The following IL1RL2 variants were observed in gnomAD, a reference collection of about 807,000 sequenced individuals.
IL1RL2 encodes interleukin-1 receptor-like 2.
In IL1RL2, 68 loss-of-function variants were observed where a neutral mutation model predicts 66.8. The observed-to-expected ratio is 1.02, with a 90% CI of 0.84 to 1.25. The LOEUF is 1.25. Among genes scored for constraint, IL1RL2 ranks in the 50% most tolerant of loss-of-function variants. The pLI is 0.00. For synonymous variants in IL1RL2, 305 were observed against 264.6 expected, an observed-to-expected ratio of 1.15 and a Z score of -1.48; for missense variants, 729 against 709.3, an observed-to-expected ratio of 1.03 and a Z score of -0.32.
chr2:102,190,584 C>T (rs1687143540), intron 3 of IL1RL2, among the ~76,000 whole-genome samples: 1 of 152,222 alleles, frequency 6.6e-6, no homozygotes, highest in Non-Finnish European at 1.5e-5. Flanking sequence ...ACCAGACAGA[C>T]TAAATGCACA....
In IL1RL2 at chr2:102,209,727, G is replaced by A. The variant is rs144995353; in HGVS notation, c.650-2373G>A. 3.8e-3 allele frequency among the ~76,000 whole-genome samples: 580 copies of A among 152,266 alleles called. 5 individuals are homozygous for A. Among genetic ancestry groups the A allele is most frequent in the African/African-American group, 0.013 (550 of 41,552 alleles). ...GCTGCATTTGTGATGGGAGACATCA[G>A]TATTGAGATGATTTGAAGCCAGAGT... On this transcript the variant is annotated intron_variant, in intron 5 of 11. Coordinates refer to ENST00000264257, the MANE Select transcript of IL1RL2 (RefSeq NM_003854.4).
intron 4 of IL1RL2, among the ~76,000 whole-genome samples, chr2:102,197,203 G>A (rs1448758197): frequency 6.6e-6 from 1 of 152,154 alleles, no homozygotes; most frequent in Non-Finnish European, 1.5e-5. Context: ...CCCTGTTTAT[G>A]TGATTATCTC....
intron 4 of IL1RL2, among the ~76,000 whole-genome samples, chr2:102,192,524 C>T (rs1687323076): frequency 1.3e-5 from 2 of 152,348 alleles, no homozygotes; most frequent in South Asian, 4.1e-4. Flanking sequence ...ACACCTTCCT[C>T]AACTGTGGCT....
intron 9 of IL1RL2, among the ~76,000 whole-genome samples, chr2:102,231,876 G>A (rs141143775): frequency 6.6e-6 from 1 of 152,190 alleles, no homozygotes; most frequent in South Asian, 2.1e-4. Context: ...TGTAGTGATG[G>A]AATTCACTGG....
intron 8 of IL1RL2, among the ~76,000 whole-genome samples, chr2:102,223,150 A>C (rs1342694446): frequency 6.6e-6 from 1 of 152,114 alleles, no homozygotes; most frequent in Non-Finnish European, 1.5e-5. Context: ...TGCTCATTTT[A>C]TCTCAAATGT....
At position 102,187,191 on chromosome 2, in the gene IL1RL2, C is replaced by T; in HGVS notation, c.-13+105C>T. Reference sequence around the variant, plus strand: ...TGGCAACAATGTGTGCCACCGCAGGCCAGGGATCAGGCCCCCCAGGCCGGC... The same window carrying T: ...TGGCAACAATGTGTGCCACCGCAGGTCAGGGATCAGGCCCCCCAGGCCGGC... On this transcript the variant is annotated intron_variant, in intron 1 of 11. Transcript: ENST00000264257. 3 of 1,235,386 alleles carry T rather than the reference C, an allele frequency of 2.4e-6. No individual in the cohort carries two copies. In the South Asian group the frequency reaches 3.9e-5, roughly 16 times the overall value. The allele number at this position is 1,235,386 out of a possible 1,614,324, so 76.5% of individuals were successfully genotyped here. A position where few individuals can be genotyped will look rare whatever the true frequency, so the allele number is the denominator to read the frequency against.
In IL1RL2 at chr2:102,239,195, C is replaced by G; in HGVS notation, c.1682C>G (p.Pro561Arg). 6.2e-7 allele frequency: 1 copy of G among 1,613,932 alleles called. No homozygotes were observed. Among genetic ancestry groups the G allele is most frequent in the Non-Finnish European group, 8.5e-7 (1 of 1,179,844 alleles). Residue 561 changes from proline (P) to arginine (R), a missense_variant, in exon 12 of 12, where the codon CCA becomes CGA. Pro to Arg is a moderately radical substitution (Grantham distance 103). Coordinates refer to ENST00000264257, the MANE Select transcript of IL1RL2 (RefSeq NM_003854.4). ...AATAGATCTTTCCTGATTTCAGGCC[C>G]AGAACTAGGCTCAAGAAGAAAGAAG... ...QHTPCYRTAG[P>R]ELGSRRKKCT...
chr2:102,196,903 T>C (rs980037619), intron 4 of IL1RL2, among the ~76,000 whole-genome samples: 48 of 152,204 alleles, frequency 3.2e-4, no homozygotes, highest in African/African-American at 1.2e-3. Context: ...GAGAATGGCA[T>C]GAGCAAATTC....
chr2:102,219,186 A>G (rs2104831184), intron 7 of IL1RL2, 104 bp downstream of exon 7: 4 of 1,275,354 alleles, frequency 3.1e-6, no homozygotes, highest in Non-Finnish European at 4.5e-6. Flanking sequence ...TTGCCTCTCA[A>G]TGATTCATGT....
At chr2:102,207,552 G>A (rs1371274118) in intron 5 of IL1RL2, among the ~76,000 whole-genome samples, 1 of 152,144 alleles carries the variant, frequency 6.6e-6, no homozygotes, top group East Asian at 1.9e-4. Flanking sequence ...GCCTGGAACA[G>A]GGGCTTCATG....
At position 102,239,222 on chromosome 2, in the gene IL1RL2, G is replaced by A. The variant is rs754902709; in HGVS notation, c.1709G>A (p.Cys570Tyr). 2 of 1,613,966 alleles carry A rather than the reference G, an allele frequency of 1.2e-6. No individual in the cohort carries two copies. The highest frequency in any genetic ancestry group is 2.7e-5 in the African/African-American group (2 of 74,928). Reference protein sequence around the residue: ...GPELGSRRKKCTLTTG With the variant: ...GPELGSRRKKYTLTTG ...GAACTAGGCTCAAGAAGAAAGAAGT[G>A]TACTCTCACGACTGGCTAAGACTTG... The change falls in exon 12 of 12, where the codon TGT (cysteine) becomes TAT (tyrosine). Residue 570 changes from cysteine to tyrosine, a missense_variant. Physicochemically the swap from Cys to Tyr is radical, Grantham distance 194 (BLOSUM62 -2). Coordinates refer to ENST00000264257, the MANE Select transcript of IL1RL2 (RefSeq NM_003854.4).
chr2:102,187,926 G>A lies in IL1RL2; in HGVS notation c.58+1G>A. On this transcript the variant is annotated splice_donor_variant, in intron 2 of 11. Transcript: ENST00000264257. LOFTEE classifies it high-confidence loss of function. ...GCCCTTCCACTGTCTGTCACAGCAG[G>A]TACGTTCCGTGTGTCCTCCGTTCCC... 6.2e-7 allele frequency: 1 copy of A among 1,613,942 alleles called. No individual in the cohort carries two copies. The highest frequency in any genetic ancestry group is 8.5e-7 in the Non-Finnish European group (1 of 1,179,862).
intron 11 of IL1RL2, chr2:102,235,927 T>C (rs1674837669): frequency 2.0e-6 from 2 of 985,430 alleles, no homozygotes; most frequent in African/African-American, 3.5e-5. Context: ...CCTTCCATGT[T>C]TGAGAGGCTT....
Position 102,220,032 on chromosome 2 carries a change from G to T in IL1RL2, c.991+15G>T. The T allele has an allele frequency of 6.2e-7, 1 of 1,601,878 alleles. No individual in the cohort carries two copies. Among genetic ancestry groups the T allele is most frequent in the Non-Finnish European group, 8.5e-7 (1 of 1,170,314 alleles). ...ACAGCTCCCAGGTAATACTCCAGTG[G>T]GTTACACACTGTTCAGAGTGTTCAA... On this transcript the variant is annotated intron_variant, in intron 8 of 11. Transcript: ENST00000264257.
chr2:102,195,356 C>T (rs1380575211), intron 4 of IL1RL2, among the ~76,000 whole-genome samples: 1 of 151,988 alleles, frequency 6.6e-6, no homozygotes, highest in Non-Finnish European at 1.5e-5. Flanking sequence ...ATATTTTCTT[C>T]TTGAAGTTTC....
At chr2:102,199,479 G>A (rs1225007057) in intron 4 of IL1RL2, among the ~76,000 whole-genome samples, 3 of 152,104 alleles carry the variant, frequency 2.0e-5, no homozygotes, top group Non-Finnish European at 4.4e-5. Context: ...TTTTCTTCAC[G>A]TTGCCTGGAA....
At chr2:102,229,389 C>T (rs2104875325) in intron 9 of IL1RL2, among the ~76,000 whole-genome samples, 1 of 152,276 alleles carries the variant, frequency 6.6e-6, no homozygotes, top group Non-Finnish European at 1.5e-5. Context: ...TGTGAAATTT[C>T]CTGCTCCCAT....
chr2:102,205,277 A>G lies in IL1RL2; in HGVS notation c.649+3562A>G, dbSNP rs561499131. ...GTTCATCATTCAGTCTTTCTAGGAT[A>G]AGAACAGTTTCACACCACAGTTACA... On this transcript the variant is annotated intron_variant, in intron 5 of 11. Transcript: ENST00000264257. Among the ~76,000 whole-genome samples, 26 of 152,252 alleles carry G rather than the reference A, an allele frequency of 1.7e-4. No individual in the cohort carries two copies. The South Asian group carries it at 4.8e-3, about 28-fold the overall frequency.
In IL1RL2 at chr2:102,226,031, G is replaced by C; in HGVS notation, c.1125G>C (p.Glu375Asp). The C allele has an allele frequency of 6.3e-7, 1 of 1,595,200 alleles. No individual in the cohort carries two copies. The highest frequency in any genetic ancestry group is 8.5e-7 in the Non-Finnish European group (1 of 1,171,412). Residue 375 changes from glutamate to aspartate, a missense_variant, in exon 9 of 12, where the codon GAG becomes GAC. Glu to Asp is a conservative substitution (Grantham distance 45). Coordinates refer to ENST00000264257, the MANE Select transcript of IL1RL2 (RefSeq NM_003854.4). The stretch of plus-strand genomic sequence containing the variant: ...ATCGAAGTGCCTTCCATTCTACAGA[G>C]ACCATAGTAGGTAAGTGTGTGTAAT... ...LWYRSAFHSTETIVDGKLYDA... is the reference protein window; with the variant it reads ...LWYRSAFHSTDTIVDGKLYDA...
Sources: gnomAD v4.1 joint callset for allele counts (sites outside exome capture counted in the v4.1 genomes callset) on GRCh38, gnomAD v4.1.1 for gene constraint, MANE v1.5 for transcripts, NCBI Gene and HGNC (gene_info 2026-07-23, HGNC 2026-07-21) for gene names.